The following WDR11 variants were observed in gnomAD, a reference collection of about 807,000 sequenced individuals.
WDR11 encodes the protein WD repeat-containing protein 11.
A neutral mutation model predicts 151.2 loss-of-function variants in WDR11; 83 were observed. The observed-to-expected ratio is 0.55, with a 90% CI of 0.46 to 0.66. The LOEUF (loss-of-function observed/expected upper bound fraction) is 0.66, where lower values mean the gene tolerates loss of function less well. Ranked by LOEUF, WDR11 falls within the 30% of genes least tolerant of loss-of-function variation. The probability of loss-of-function intolerance (pLI) is 0.00; values close to 1 mark genes in which losing one functional copy is unlikely to be tolerated. For synonymous variants in WDR11, 484 were observed against 533.1 expected (o/e 0.91, Z 1.27); for missense variants, 1,301 against 1,480.9 (o/e 0.88, Z 1.99).
intron 3 of WDR11, 100 bp from the exon 4 acceptor site, chr10:120,860,009 A>T: frequency 1.4e-6 from 2 of 1,414,202 alleles, no homozygotes; most frequent in Non-Finnish European, 2.0e-6. Flanking sequence ...TTAAGTTTTT[A>T]AAGATTATAT....
chr10:120,863,050 A>G, intron 5 of WDR11, 129 bp downstream of exon 5: 1 of 696,458 alleles, frequency 1.4e-6, no homozygotes, highest in Non-Finnish European at 2.4e-6. Context: ...AATTTATTAG[A>G]GGAAAAAAAT....
intron 13 of WDR11, 51 bp from the exon 14 acceptor site, chr10:120,883,729 T>A (rs764571535): frequency 6.7e-7 from 1 of 1,499,878 alleles, no homozygotes; most frequent in Non-Finnish European, 9.3e-7. Flanking sequence ...CTCTAATTCA[T>A]GGTGAAATTT....
At position 120,883,857 on chromosome 10, in the gene WDR11, T is replaced by C; in HGVS notation, c.1817T>C (p.Met606Thr). 6.2e-7 allele frequency: 1 copy of C among 1,613,446 alleles called. No homozygotes were observed. Among genetic ancestry groups the C allele is most frequent in the Non-Finnish European group, 8.5e-7 (1 of 1,179,570 alleles). The change falls in exon 14 of 29, where the codon ATG becomes ACG. Residue 606 changes from methionine (M) to threonine (T), a missense_variant. This residue lies in a region of WDR11 where 692 missense variants were observed against 762.5 expected (regional missense o/e 0.91). Coordinates refer to ENST00000263461, the MANE Select transcript of WDR11 (RefSeq NM_018117.12). The part of the protein sequence containing the change: ...DVRTCTLLRE[M>T]SKNFPTITAL... ...AGGACTTGTACCCTTCTTAGAGAGATGTCCAAAAACTTCCCTACAATAACT... is the reference window on the plus strand; with the variant it reads ...AGGACTTGTACCCTTCTTAGAGAGACGTCCAAAAACTTCCCTACAATAACT...
intron 2 of WDR11, 99 bp downstream of exon 2, chr10:120,852,734 A>G (rs1049636954): frequency 9.8e-7 from 1 of 1,024,306 alleles, no homozygotes; most frequent in African/African-American, 1.6e-5. Context: ...TAAGTGTTGA[A>G]TAGCTTTTAA....
chr10:120,905,769 G>A (rs1269315896), intron 26 of WDR11, 107 bp from the exon 27 acceptor site: 1 of 1,586,700 alleles, frequency 6.3e-7, no homozygotes, highest in African/African-American at 1.3e-5. Flanking sequence ...TAGTCAAGCA[G>A]AGCATAGCCT....
At chr10:120,908,049 T>A in intron 28 of WDR11, 1 of 169,446 alleles carries the variant, frequency 5.9e-6, no homozygotes, top group Non-Finnish European at 1.3e-5. Context: ...GATCAAAGCA[T>A]CAGCACAGAG....
chr10:120,882,062 G>A (rs1281490095), intron 13 of WDR11, among the ~76,000 whole-genome samples: 1 of 152,018 alleles, frequency 6.6e-6, no homozygotes, highest in East Asian at 1.9e-4. Context: ...ATGAGTAGGT[G>A]TTGAATTTAT....
At chr10:120,856,913 C>T (rs1232107084) in intron 2 of WDR11, among the ~76,000 whole-genome samples, 2 of 152,042 alleles carry the variant, frequency 1.3e-5, no homozygotes, top group Non-Finnish European at 2.9e-5. Context: ...TTTGTTTGCT[C>T]CTAGGGGTTA....
intron 2 of WDR11, among the ~76,000 whole-genome samples, chr10:120,856,355 ACCTG>A (rs1845944608): frequency 6.6e-6 from 1 of 152,036 alleles, no homozygotes; most frequent in South Asian, 2.1e-4. Context: ...TGGATGGATC[ACCTG>A]GGGTCAGGAG....
chr10:120,879,702 T>A (rs1846930242), intron 12 of WDR11: 1 of 152,228 alleles, frequency 6.6e-6, no homozygotes, highest in Non-Finnish European at 1.5e-5. Context: ...GGCAGCAGAC[T>A]AGTGCAGTCA....
intron 8 of WDR11, 141 bp from the exon 9 acceptor site, chr10:120,866,925 G>C: frequency 9.5e-7 from 1 of 1,052,092 alleles, no homozygotes; most frequent in Non-Finnish European, 1.4e-6. Flanking sequence ...AAATCTGCTA[G>C]AGCTATTTCA....
intron 19 of WDR11, among the ~76,000 whole-genome samples, chr10:120,896,886 A>G (rs1847634086): frequency 1.3e-5 from 2 of 152,310 alleles, no homozygotes; most frequent in East Asian, 1.9e-4. Context: ...TTTTCTTGCA[A>G]TGACACTCAA....
At chr10:120,903,919 AGTT>A in intron 23 of WDR11, 125 bp from the exon 24 acceptor site, 1 of 653,326 alleles carries the variant, frequency 1.5e-6, no homozygotes, top group Non-Finnish European at 2.6e-6. Context: ...GGTGCTGTAA[AGTT>A]GATTATCTAG....
intron 13 of WDR11, among the ~76,000 whole-genome samples, chr10:120,883,062 AG>A (rs1391605391): frequency 3.3e-5 from 5 of 151,918 alleles, no homozygotes; most frequent in Admixed American, 2.6e-4. Context: ...TGTTATTCAG[AG>A]GTATATTTTT....
At chr10:120,855,930 G>A (rs547113389) in intron 2 of WDR11, among the ~76,000 whole-genome samples, 2 of 152,278 alleles carry the variant, frequency 1.3e-5, no homozygotes, top group Admixed American at 1.3e-4. Flanking sequence ...TCCTGTTCCT[G>A]AGCTTAGGGG....
At chr10:120,876,153 A>G (rs1451473403) in intron 11 of WDR11, among the ~76,000 whole-genome samples, 1 of 150,946 alleles carries the variant, frequency 6.6e-6, no homozygotes, top group Non-Finnish European at 1.5e-5. Flanking sequence ...TAATTTTTGT[A>G]TTTTTTAGTA....
At chr10:120,883,749 G>T (rs1306193761) in intron 13 of WDR11, 31 bp from the exon 14 acceptor site, 3 of 1,606,134 alleles carry the variant, frequency 1.9e-6, no homozygotes, top group Non-Finnish European at 1.7e-6. Flanking sequence ...TTTGCAAAAA[G>T]GGGCTTATTT....
At chr10:120,884,357 T>TTAA (rs1444790014) in intron 14 of WDR11, among the ~76,000 whole-genome samples, 3 of 152,148 alleles carry the variant, frequency 2.0e-5, no homozygotes, top group African/African-American at 7.2e-5. Context: ...ATTTGGGGAC[T>TTAA]TAATATACAG....
chr10:120,865,664 G>A lies in WDR11; in HGVS notation c.914G>A (p.Cys305Tyr), dbSNP rs775480547. 58 of 1,610,578 alleles carry A rather than the reference G, an allele frequency of 3.6e-5. No homozygotes were observed. The highest frequency in any genetic ancestry group is 4.9e-5 in the Non-Finnish European group (58 of 1,179,110). Residue 305 changes from cysteine to tyrosine, a missense_variant, in exon 7 of 29, where the codon TGT (cysteine) becomes TAT (tyrosine). Physicochemically the swap from Cys to Tyr is radical, Grantham distance 194. Transcript: ENST00000263461. ...TGCTTTCAGCGTGATGGTTTATTTT[G>A]TCTACATGAAAATGGTTGTATAACT... is the stretch of plus-strand genomic sequence containing the variant. The part of the protein sequence containing the change: ...IPCFQRDGLF[C>Y]LHENGCITLR...
Sources: gnomAD v4.1 joint callset for allele counts (sites outside exome capture counted in the v4.1 genomes callset) on GRCh38, gnomAD v4.1.1 for gene constraint, gnomAD v4.1.1 regional missense constraint, MANE v1.5 for transcripts, NCBI Gene and HGNC (gene_info 2026-07-23, HGNC 2026-07-21) for gene names.